The following CACNA1C variants were observed in gnomAD, a reference collection of about 807,000 sequenced individuals.
The protein encoded by CACNA1C is voltage-dependent L-type calcium channel subunit alpha-1C.
In CACNA1C, 30 loss-of-function variants were observed where a neutral mutation model predicts 229.0. That is an observed-to-expected ratio of 0.13 (90% CI 0.10 to 0.18). The LOEUF is 0.18. CACNA1C is among the 10% of genes least tolerant of loss of function. The pLI is 1.00. For synonymous variants in CACNA1C, 1,114 were observed against 1,132.5 expected, an observed-to-expected ratio of 0.98 and a Z score of 0.33; for missense variants, 1,658 against 2,845.0, an observed-to-expected ratio of 0.58 and a Z score of 9.49.
chr12:2,598,049 G>C (rs919944071), intron 21 of CACNA1C, among the ~76,000 whole-genome samples: 16 of 152,364 alleles, frequency 1.1e-4, no homozygotes, highest in African/African-American at 2.6e-4. Flanking sequence ...GGCCTACTGT[G>C]AGATGTGGAG....
chr12:2,269,416 AG>A (rs2083824193), intron 3 of CACNA1C, among the ~76,000 whole-genome samples: 1 of 152,218 alleles, frequency 6.6e-6, no homozygotes, highest in South Asian at 2.1e-4. Context: ...AGGAAGGTTT[AG>A]GGTGGAGGAA....
chr12:2,148,651 G>A (rs1347891014), intron 3 of CACNA1C, among the ~76,000 whole-genome samples: 5 of 151,170 alleles, frequency 3.3e-5, no homozygotes, highest in African/African-American at 7.3e-5. Flanking sequence ...GGGCTCAAGC[G>A]ATCTTCCCAC....
intron 3 of CACNA1C, among the ~76,000 whole-genome samples, chr12:2,243,615 TG>T (rs1260619364): frequency 6.6e-6 from 1 of 152,200 alleles, no homozygotes; most frequent in Non-Finnish European, 1.5e-5. Context: ...TCCCTGGCTG[TG>T]GGGCAACTTA....
chr12:2,057,567 C>T (rs1290191067), intron 1 of CACNA1C, among the ~76,000 whole-genome samples: 1 of 152,194 alleles, frequency 6.6e-6, no homozygotes, highest in Non-Finnish European at 1.5e-5. Flanking sequence ...CCGCCGCACA[C>T]ACTGGAGGCC....
intron 3 of CACNA1C, among the ~76,000 whole-genome samples, chr12:2,401,009 C>T (rs1435361737): frequency 6.6e-6 from 1 of 152,206 alleles, no homozygotes; most frequent in African/African-American, 2.4e-5. Context: ...CCCCACTGCC[C>T]TCAGACCCCC....
chr12:2,314,539 C>T, intron 3 of CACNA1C, among the ~76,000 whole-genome samples: 1 of 152,226 alleles, frequency 6.6e-6, no homozygotes, highest in Non-Finnish European at 1.5e-5. Context: ...GCCCTGACTC[C>T]TAAATGGCAT....
At chr12:2,612,275 T>A in intron 29 of CACNA1C, 1 of 435,926 alleles carries the variant, frequency 2.3e-6, no homozygotes, top group Non-Finnish European at 4.2e-6. Context: ...GCTGAACCTC[T>A]GAGCCTCTCC....
chr12:2,577,907 C>T (rs950250656), intron 13 of CACNA1C, among the ~76,000 whole-genome samples: 9 of 149,312 alleles, frequency 6.0e-5, no homozygotes, highest in African/African-American at 1.2e-4. Flanking sequence ...CTCGCTCTGT[C>T]GCCCAGGCTG....
intron 3 of CACNA1C, among the ~76,000 whole-genome samples, chr12:2,179,295 G>A (rs949396617): frequency 2.0e-5 from 3 of 152,212 alleles, no homozygotes; most frequent in African/African-American, 7.2e-5. Context: ...GAAGTAAGTC[G>A]GGGAGGAGGT....
At chr12:2,251,462 T>G (rs1313690938) in intron 3 of CACNA1C, among the ~76,000 whole-genome samples, 2 of 152,174 alleles carry the variant, frequency 1.3e-5, no homozygotes, top group Non-Finnish European at 2.9e-5. Context: ...AGCAGAGGTT[T>G]CCAAGCCAGG....
At position 2,203,090 on chromosome 12, in the gene CACNA1C, G is replaced by A. The variant is rs542937935; in HGVS notation, c.477+82660G>A. On this transcript the variant is annotated intron_variant, in intron 3 of 46. Transcript: ENST00000399655. ...TAGAAAGGTCTTGATTTCCATGCTG[G>A]GGGTGTAGCCATGCATACCCTGTCT... is the stretch of plus-strand genomic sequence containing the variant. Among the ~76,000 whole-genome samples the A allele has an allele frequency of 6.6e-5, 10 of 152,266 alleles. 1 individual carries two copies. The South Asian group carries it at 2.1e-3, about 32-fold the overall frequency.
At chr12:2,433,347 C>A in intron 3 of CACNA1C, among the ~76,000 whole-genome samples, 1 of 152,192 alleles carries the variant, frequency 6.6e-6, no homozygotes, top group East Asian at 1.9e-4. Flanking sequence ...CAGTCTTAGC[C>A]TGGGTAAGCC....
At chr12:2,330,473 A>G (rs1161961500) in intron 3 of CACNA1C, among the ~76,000 whole-genome samples, 1 of 152,216 alleles carries the variant, frequency 6.6e-6, no homozygotes, top group Non-Finnish European at 1.5e-5. Context: ...GACTCCTTTA[A>G]TACTCATGAT....
At chr12:2,045,734 T>C (rs1415775314) in intron 1 of CACNA1C, among the ~76,000 whole-genome samples, 3 of 152,088 alleles carry the variant, frequency 2.0e-5, no homozygotes, top group Non-Finnish European at 4.4e-5. Flanking sequence ...TGAAGAAACA[T>C]TCCTGTAGGT....
intron 3 of CACNA1C, among the ~76,000 whole-genome samples, chr12:2,369,062 A>G (rs73607715): frequency 8.1e-4 from 123 of 152,370 alleles, no homozygotes; most frequent in African/African-American, 2.8e-3. Context: ...CTTGTATTCA[A>G]CAGCACCATT....
chr12:2,367,814 T>C (rs543923283), intron 3 of CACNA1C, among the ~76,000 whole-genome samples: 1 of 152,234 alleles, frequency 6.6e-6, no homozygotes, highest in Admixed American at 6.5e-5. Context: ...ATTGTAACTT[T>C]CTAGAAAAAT....
At chr12:2,517,459 T>C (rs1417822831) in intron 9 of CACNA1C, among the ~76,000 whole-genome samples, 1 of 152,046 alleles carries the variant, frequency 6.6e-6, no homozygotes. Context: ...GTTACAGTCT[T>C]GGAAAAAAGA....
chr12:2,322,058 A>G (rs190587949), intron 3 of CACNA1C, among the ~76,000 whole-genome samples: 110 of 152,342 alleles, frequency 7.2e-4, no homozygotes, highest in African/African-American at 2.1e-3. Flanking sequence ...TAATTTATTT[A>G]TAGGGCATTA....
chr12:2,523,971 G>A (rs1598858290), intron 9 of CACNA1C, among the ~76,000 whole-genome samples: 1 of 152,326 alleles, frequency 6.6e-6, no homozygotes, highest in Middle Eastern at 3.4e-3. Context: ...ACTGTCAGAG[G>A]CTATCAGTGG....
Sources: allele counts gnomAD v4.1 joint callset (sites outside exome capture counted in the v4.1 genomes callset), GRCh38; gene constraint gnomAD v4.1.1; transcripts MANE v1.5; gene names NCBI Gene and HGNC (gene_info 2026-07-23, HGNC 2026-07-21).